SVEP1: variants seen among roughly 807,000 people sequenced by gnomAD.
The protein encoded by SVEP1 is sushi, von Willebrand factor type A, EGF and pentraxin domain-containing protein 1.
Under a neutral mutation model 367.3 loss-of-function variants are expected in SVEP1, and 164 were observed. The ratio of observed to expected loss-of-function variants is 0.45; its 90% CI spans 0.39 to 0.51. The LOEUF is 0.51. SVEP1 is among the 20% of genes least tolerant of loss of function. SVEP1 has a pLI of 0.00. For missense variants in SVEP1, 4,117 were observed against 4,425.3 expected (o/e 0.93, Z 1.98); for synonymous variants, 1,666 against 1,611.6 (o/e 1.03, Z -0.81).
chr9:110,424,788 C>T (rs1828227371), intron 36 of SVEP1, among the ~76,000 whole-genome samples: 1 of 152,188 alleles, frequency 6.6e-6, no homozygotes, highest in Non-Finnish European at 1.5e-5. Context: ...AAGTCTCCCG[C>T]CTCAGCCTCC....
chr9:110,472,404 T>G (rs547570834), intron 14 of SVEP1, 81 bp from the exon 15 acceptor site: 4 of 1,380,792 alleles, frequency 2.9e-6, no homozygotes, highest in African/African-American at 2.9e-5. Flanking sequence ...AAGCCACAAG[T>G]GAAATTACAC....
intron 3 of SVEP1, among the ~76,000 whole-genome samples, chr9:110,520,628 C>T (rs1392059172): frequency 6.6e-6 from 1 of 152,142 alleles, no homozygotes; most frequent in Non-Finnish European, 1.5e-5. Context: ...TTGTAAAACA[C>T]AAAGAAATCT....
chr9:110,390,934 A>G (rs148749257), intron 40 of SVEP1, among the ~76,000 whole-genome samples: 2 of 152,306 alleles, frequency 1.3e-5, no homozygotes, highest in East Asian at 3.9e-4. Context: ...TGTTTCATGT[A>G]AGCCCCACCC....
chr9:110,415,706 ACCCT>A (rs1300455505), intron 36 of SVEP1, among the ~76,000 whole-genome samples: 1 of 151,672 alleles, frequency 6.6e-6, no homozygotes, highest in Non-Finnish European at 1.5e-5. Context: ...CAGTCTGAAA[ACCCT>A]CCCTCTATAA....
At chr9:110,450,476 T>TTG (rs902241898) in intron 23 of SVEP1, among the ~76,000 whole-genome samples, 3 of 146,730 alleles carry the variant, frequency 2.0e-5, no homozygotes, top group Non-Finnish European at 4.5e-5. Flanking sequence ...TGTTTTTTTT[T>TTG]TTTTTTTTTT....
intron 9 of SVEP1, 61 bp from the exon 10 acceptor site, chr9:110,483,754 T>C: frequency 3.0e-6 from 4 of 1,324,222 alleles, no homozygotes; most frequent in Non-Finnish European, 4.1e-6. Flanking sequence ...ATGAGGAGGT[T>C]TTCAAAAGAG....
At chr9:110,553,082 G>A (rs1011976371) in intron 1 of SVEP1, among the ~76,000 whole-genome samples, 18 of 152,064 alleles carry the variant, frequency 1.2e-4, no homozygotes, top group African/African-American at 3.9e-4. Context: ...ACAGACATGC[G>A]GATGACCAAC....
intron 40 of SVEP1, 21 bp from the exon 41 acceptor site, chr9:110,389,608 G>C: frequency 6.2e-7 from 1 of 1,612,824 alleles, no homozygotes. Flanking sequence ...ATGGAGAAAG[G>C]TCATCAAGAT....
chr9:110,384,084 T>C (rs1048269435), intron 43 of SVEP1, among the ~76,000 whole-genome samples: 2 of 152,052 alleles, frequency 1.3e-5, no homozygotes, highest in African/African-American at 4.8e-5. Context: ...GATAACTCAG[T>C]AGTCTTAGGC....
At position 110,552,322 on chromosome 9, in the gene SVEP1, G is replaced by A. The variant is rs529650466; in HGVS notation, c.532-2218C>T. 1.1e-4 allele frequency among the ~76,000 whole-genome samples: 16 copies of A among 152,088 alleles called. No individual in the cohort carries two copies. The South Asian group carries it at 1.9e-3, about 18-fold the overall frequency. On this transcript the variant is annotated intron_variant, in intron 1 of 47. Transcript: ENST00000374469. ...TGGGATTACAGGCGTGAGCCACCAC[G>A]CCCTGCCACATGAGCCACCACGTCT...
chr9:110,554,815 T>C (rs779960343), intron 1 of SVEP1, among the ~76,000 whole-genome samples: 11 of 152,026 alleles, frequency 7.2e-5, no homozygotes, highest in Non-Finnish European at 1.3e-4. Flanking sequence ...TTGACATAAA[T>C]AATACTTGGA....
At chr9:110,440,981 C>T (rs764558903) in intron 27 of SVEP1, among the ~76,000 whole-genome samples, 7 of 152,162 alleles carry the variant, frequency 4.6e-5, no homozygotes, top group Non-Finnish European at 5.9e-5. Context: ...TTAACTCGTC[C>T]GGAATTCTCT....
At chr9:110,375,654 G>A (rs999045929) in intron 45 of SVEP1, among the ~76,000 whole-genome samples, 191 bp from the exon 46 acceptor site, 3 of 152,098 alleles carry the variant, frequency 2.0e-5, no homozygotes, top group Admixed American at 2.0e-4. Flanking sequence ...ATACAATCAG[G>A]AAAGTAAGCC....
intron 21 of SVEP1, among the ~76,000 whole-genome samples, chr9:110,456,355 T>C (rs187127998): frequency 6.6e-6 from 1 of 152,310 alleles, no homozygotes; most frequent in African/African-American, 2.4e-5. Context: ...AGAACCACTG[T>C]CCTATATTAT....
Position 110,496,890 on chromosome 9 carries a change from A to G in SVEP1, c.1725T>C (p.Ala575=). Residue 575 remains alanine (A), a synonymous_variant, in exon 8 of 48, where the codon GCT becomes GCC. Transcript: ENST00000374469. ...PQINCPKDIE[A]KTLEQQDSAN... is the part of the protein sequence containing the mutation. ...CAGAATCTTGCTGTTCCAGAGTCTT[A>G]GCCTCTATGTCCTTAGGACAGTTGA... 1 of 1,555,964 alleles carries G rather than the reference A, an allele frequency of 6.4e-7. No individual in the cohort carries two copies. Among genetic ancestry groups the G allele is most frequent in the Non-Finnish European group, 8.7e-7 (1 of 1,148,506 alleles).
At chr9:110,434,618 T>G (rs906950037) in intron 29 of SVEP1, 112 bp from the exon 30 acceptor site, 1 of 710,968 alleles carries the variant, frequency 1.4e-6, no homozygotes, top group Non-Finnish European at 1.8e-6. Context: ...ACCTTACTGA[T>G]GTGAAAACAA....
In SVEP1 at chr9:110,450,075, C is replaced by T. The variant is rs781276716; in HGVS notation, c.4087G>A (p.Gly1363Ser). The T allele has an allele frequency of 1.8e-5, 29 of 1,613,722 alleles. No homozygotes were observed. The highest frequency in any genetic ancestry group is 4.0e-5 in the African/African-American group (3 of 74,902). The change falls in exon 24 of 48, where the codon GGT becomes AGT. Residue 1363 changes from glycine (G) to serine (S), a missense_variant. Physicochemically the swap from Gly to Ser is moderately conservative, Grantham distance 56. Around this residue, in one of 4 missense-constraint regions of SVEP1, gnomAD observed 2,174 missense variants for 2,494.3 expected, o/e 0.87. Coordinates refer to ENST00000374469, the MANE Select transcript of SVEP1 (RefSeq NM_153366.4). Reference protein sequence around the residue: ...PCKNGATCKDGANSFRCLCAA... With the variant: ...PCKNGATCKDSANSFRCLCAA... ...GCCTTTTACCTGAAGCTATTGGCAC[C>T]GTCTTTACAGGTAGCTCCATTTTTG... is the stretch of plus-strand genomic sequence containing the variant.
At chr9:110,430,123 G>GGTGT (rs199699292) in intron 33 of SVEP1, 119 bp from the exon 34 acceptor site, 20 of 920,654 alleles carry the variant, frequency 2.2e-5, no homozygotes, top group South Asian at 9.1e-5. Flanking sequence ...TTTTTTTTTT[G>GGTGT]GTGTGTGTGT....
chr9:110,387,176 C>T (rs1827537848), intron 42 of SVEP1, 109 bp downstream of exon 42: 2 of 1,161,310 alleles, frequency 1.7e-6, no homozygotes, highest in Non-Finnish European at 2.3e-6. Flanking sequence ...TAATTGCTTT[C>T]TCTGGGCCCA....
Sources: allele counts gnomAD v4.1 joint callset (sites outside exome capture counted in the v4.1 genomes callset), GRCh38; gene constraint gnomAD v4.1.1; regional missense constraint gnomAD v4.1.1; transcripts MANE v1.5; gene names NCBI Gene and HGNC (gene_info 2026-07-23, HGNC 2026-07-21).